CEP112: variants seen among roughly 807,000 people sequenced by gnomAD.
CEP112 encodes centrosomal protein of 112 kDa.
Under a neutral mutation model 153.0 loss-of-function variants are expected in CEP112, and 127 were observed. The ratio of observed to expected loss-of-function variants is 0.83; its 90% confidence interval spans 0.72 to 0.96. The LOEUF (loss-of-function observed/expected upper bound fraction) is 0.96, where lower values mean the gene tolerates loss of function less well. Ranked by LOEUF, CEP112 falls within the 40% of genes least tolerant of loss-of-function variation. The probability of loss-of-function intolerance (pLI) is 0.00; values close to 1 mark genes in which losing one functional copy is unlikely to be tolerated. For synonymous variants in CEP112, 358 were observed against 374.4 expected, an observed-to-expected ratio of 0.96 and a Z score of 0.51; for missense variants, 1,089 against 1,101.2, an observed-to-expected ratio of 0.99 and a Z score of 0.16.
rs537082691 is a variant in CEP112, at chr17:66,176,490, A to C, written c.297+340T>G. On this transcript the variant is annotated intron_variant, in intron 3 of 26. Transcript: ENST00000535342. The stretch of plus-strand genomic sequence containing the variant: ...AACGTTTAAATAATATATATGAAAG[A>C]GTTTAAAAACTAGAATTTACTGAAT... 1.1e-4 allele frequency among the ~76,000 whole-genome samples: 16 copies of C among 152,320 alleles called. No homozygotes were observed. In the East Asian group the frequency reaches 2.9e-3, roughly 27 times the overall value.
chr17:66,044,763 G>A (rs756227652), intron 12 of CEP112, among the ~76,000 whole-genome samples: 14 of 152,120 alleles, frequency 9.2e-5, no homozygotes, highest in Non-Finnish European at 1.8e-4. Flanking sequence ...ACAAAATTTG[G>A]AGCTGGATGG....
At chr17:66,122,062 T>A (rs2069625288) in intron 6 of CEP112, among the ~76,000 whole-genome samples, 1 of 151,946 alleles carries the variant, frequency 6.6e-6, no homozygotes, top group Non-Finnish European at 1.5e-5. Context: ...GCCCAAATAA[T>A]TTTTTGTATT....
At chr17:65,800,987 A>C (rs2055235700) in intron 21 of CEP112, among the ~76,000 whole-genome samples, 1 of 152,120 alleles carries the variant, frequency 6.6e-6, no homozygotes, top group African/African-American at 2.4e-5. Flanking sequence ...TTGACTTGCA[A>C]AATTCTTTAT....
intron 20 of CEP112, among the ~76,000 whole-genome samples, chr17:65,889,362 A>G (rs1436870851): frequency 6.6e-6 from 1 of 152,170 alleles, no homozygotes; most frequent in Admixed American, 6.6e-5. Flanking sequence ...ACCACAATTC[A>G]CAACTCGAGA....
intron 24 of CEP112, among the ~76,000 whole-genome samples, chr17:65,642,327 G>A (rs561019545): frequency 6.6e-6 from 1 of 152,290 alleles, no homozygotes; most frequent in East Asian, 1.9e-4. Flanking sequence ...TGAAAATTGT[G>A]TACGACTGAG....
At chr17:65,654,072 A>AAAAAAAAAAGAAAG (rs2045935317) in intron 24 of CEP112, among the ~76,000 whole-genome samples, 1 of 150,394 alleles carries the variant, frequency 6.6e-6, no homozygotes, top group African/African-American at 2.4e-5. Flanking sequence ...AAAAAAAAAA[A>AAAAAAAAAAGAAAG]AAAAAAAAAG....
chr17:65,643,661 A>G (rs568158865), intron 24 of CEP112, among the ~76,000 whole-genome samples: 1 of 152,308 alleles, frequency 6.6e-6, no homozygotes, highest in East Asian at 1.9e-4. Flanking sequence ...GGTTGCAGTC[A>G]GCCAGGGTGA....
intron 21 of CEP112, among the ~76,000 whole-genome samples, chr17:65,800,367 G>C (rs933720396): frequency 1.3e-5 from 2 of 151,950 alleles, no homozygotes; most frequent in African/African-American, 4.8e-5. Context: ...CAATATGTGT[G>C]CTTTTGTGTC....
chr17:65,796,351 C>T (rs1247419365), intron 21 of CEP112, among the ~76,000 whole-genome samples: 1 of 152,038 alleles, frequency 6.6e-6, no homozygotes, highest in Non-Finnish European at 1.5e-5. Flanking sequence ...TGCAGCCTGC[C>T]GAATGAACTG....
intron 8 of CEP112, among the ~76,000 whole-genome samples, chr17:66,084,316 C>A (rs2067835398): frequency 6.6e-6 from 1 of 152,124 alleles, no homozygotes. Context: ...AAGGTATATA[C>A]TCCAAAAAAA....
At chr17:65,950,358 A>G (rs1393074395) in intron 18 of CEP112, among the ~76,000 whole-genome samples, 1 of 152,204 alleles carries the variant, frequency 6.6e-6, no homozygotes, top group African/African-American at 2.4e-5. Context: ...TTTCTAATCC[A>G]TAAACAAAGA....
At chr17:65,939,125 T>G (rs1599083763) in intron 18 of CEP112, among the ~76,000 whole-genome samples, 1 of 152,102 alleles carries the variant, frequency 6.6e-6, no homozygotes, top group East Asian at 1.9e-4. Context: ...AAAAGAAATT[T>G]TTAAGAATCT....
At chr17:66,079,484 A>C (rs1451895660) in intron 8 of CEP112, among the ~76,000 whole-genome samples, 2 of 152,214 alleles carry the variant, frequency 1.3e-5, no homozygotes, top group Non-Finnish European at 2.9e-5. Context: ...ACATAAAAGA[A>C]TATGAAAAGT....
intron 23 of CEP112, among the ~76,000 whole-genome samples, chr17:65,725,955 G>T (rs2050155395): frequency 6.6e-6 from 1 of 152,126 alleles, no homozygotes; most frequent in Non-Finnish European, 1.5e-5. Flanking sequence ...ACCATGTCAG[G>T]CCAGTATCCA....
chr17:66,123,540 TG>T (rs1312173954), intron 6 of CEP112, among the ~76,000 whole-genome samples: 1 of 152,240 alleles, frequency 6.6e-6, no homozygotes, highest in East Asian at 1.9e-4. Flanking sequence ...ATTTGCTCTA[TG>T]CCTTTAGGAC....
intron 24 of CEP112, among the ~76,000 whole-genome samples, chr17:65,649,846 T>C (rs2045645268): frequency 2.6e-5 from 4 of 152,226 alleles, no homozygotes; most frequent in Admixed American, 2.0e-4. Flanking sequence ...TTAATCTCTT[T>C]CCACTTTGCC....
At chr17:65,706,997 CCAAAGA>C (rs1457587773) in intron 23 of CEP112, among the ~76,000 whole-genome samples, 1 of 152,170 alleles carries the variant, frequency 6.6e-6, no homozygotes, top group African/African-American at 2.4e-5. Flanking sequence ...ATGTTCCCTC[CCAAAGA>C]CTCCTGTTTA....
At chr17:65,836,103 C>T (rs1432704101) in intron 21 of CEP112, among the ~76,000 whole-genome samples, 1 of 151,624 alleles carries the variant, frequency 6.6e-6, no homozygotes, top group Non-Finnish European at 1.5e-5. Flanking sequence ...GTGGTGGCCA[C>T]AAAGCAAAGT....
At chr17:65,850,015 G>A (rs540247691) in intron 21 of CEP112, among the ~76,000 whole-genome samples, 14 of 151,902 alleles carry the variant, frequency 9.2e-5, no homozygotes, top group African/African-American at 2.9e-4. Context: ...TTAGCCAGAC[G>A]TGCTGGCGGG....
Sources: allele counts gnomAD v4.1 joint callset (sites outside exome capture counted in the v4.1 genomes callset), GRCh38; gene constraint gnomAD v4.1.1; transcripts MANE v1.5; gene names NCBI Gene and HGNC (gene_info 2026-07-23, HGNC 2026-07-21).